PTPRN2: variants seen among roughly 807,000 people sequenced by gnomAD.
PTPRN2 encodes receptor-type tyrosine-protein phosphatase N2.
Under a neutral mutation model 118.8 loss-of-function variants are expected in PTPRN2, and 74 were observed. The observed-to-expected ratio is 0.62, with a 90% CI of 0.52 to 0.76. The LOEUF is 0.76. PTPRN2 is among the 30% of genes least tolerant of loss of function. The pLI, the probability that PTPRN2 is intolerant of heterozygous loss-of-function variation, is 0.00. For synonymous variants in PTPRN2, 641 were observed against 608.0 expected (o/e 1.05, Z -0.80); for missense variants, 1,481 against 1,394.4 (o/e 1.06, Z -0.99).
At chr7:158,178,731 G>A (rs1462543608) in intron 5 of PTPRN2, among the ~76,000 whole-genome samples, 1 of 151,588 alleles carries the variant, frequency 6.6e-6, no homozygotes, top group Non-Finnish European at 1.5e-5. Flanking sequence ...CCAAGTAGCT[G>A]GGACTACAGG....
At chr7:158,369,420 G>A (rs1398558785) in intron 2 of PTPRN2, among the ~76,000 whole-genome samples, 1 of 152,082 alleles carries the variant, frequency 6.6e-6, no homozygotes, top group Non-Finnish European at 1.5e-5. Context: ...CACATGGTGA[G>A]GGTGCCGGGG....
chr7:157,705,418 A>G (rs1287849968), intron 12 of PTPRN2, among the ~76,000 whole-genome samples: 1 of 152,242 alleles, frequency 6.6e-6, no homozygotes, highest in Admixed American at 6.5e-5. Context: ...CAGGGTATGA[A>G]TTGAGTGAAT....
In PTPRN2 at chr7:158,350,018, G is replaced by A. The variant is rs111288995; in HGVS notation, c.164-33086C>T. Among the ~76,000 whole-genome samples, 369 of 152,252 alleles carry A rather than the reference G, an allele frequency of 2.4e-3. 4 individuals carry two copies. Among genetic ancestry groups the A allele is most frequent in the African/African-American group, 8.5e-3 (355 of 41,534 alleles). On this transcript the variant is annotated intron_variant, in intron 2 of 22. Transcript: ENST00000389418. ...ACAGGATACAGCACGGATTCCTTCCGGCAAAAGGTGCTCAGTAAAGTGGAT... is the reference window on the plus strand; with the variant it reads ...ACAGGATACAGCACGGATTCCTTCCAGCAAAAGGTGCTCAGTAAAGTGGAT...
chr7:157,595,676 T>G (rs1245021507), intron 16 of PTPRN2, among the ~76,000 whole-genome samples: 1 of 151,220 alleles, frequency 6.6e-6, no homozygotes, highest in Non-Finnish European at 1.5e-5. Flanking sequence ...AGCCCAGAGG[T>G]TAGGGAGCCT....
chr7:158,486,236 G>A (rs943055066), intron 2 of PTPRN2, among the ~76,000 whole-genome samples: 4 of 152,222 alleles, frequency 2.6e-5, no homozygotes, highest in East Asian at 1.9e-4. Flanking sequence ...TCACGATCAC[G>A]TCAGGCCATG....
rs370363222 is a variant in PTPRN2, at chr7:158,280,628, G to C, written c.277+36191C>G. On this transcript the variant is annotated intron_variant, in intron 3 of 22. Coordinates refer to ENST00000389418, the MANE Select transcript of PTPRN2 (RefSeq NM_002847.5). ...ATGAAAGGAGGAGCCGAGAGAGCCT[G>C]GGGGAGCCGGACGGGTGCGGCCCGA... 1.0e-3 allele frequency among the ~76,000 whole-genome samples: 159 copies of C among 152,368 alleles called. 1 individual carries two copies. Among genetic ancestry groups the C allele is most frequent in the South Asian group, 1.9e-3 (9 of 4,826 alleles).
intron 11 of PTPRN2, among the ~76,000 whole-genome samples, chr7:157,932,268 C>T (rs1187498634): frequency 1.3e-5 from 2 of 152,210 alleles, no homozygotes; most frequent in Admixed American, 6.5e-5. Context: ...ATCTAATCAA[C>T]AGAACTTACA....
intron 12 of PTPRN2, among the ~76,000 whole-genome samples, chr7:157,849,872 G>A (rs1194410545): frequency 6.6e-6 from 1 of 152,172 alleles, no homozygotes. Flanking sequence ...CCATGGAGGA[G>A]GGGAAGACGG....
chr7:157,989,344 A>G (rs1242492697), intron 11 of PTPRN2, among the ~76,000 whole-genome samples: 1 of 152,194 alleles, frequency 6.6e-6, no homozygotes, highest in African/African-American at 2.4e-5. Context: ...GCCTGAGCCC[A>G]GGAGGTCTAA....
intron 12 of PTPRN2, among the ~76,000 whole-genome samples, chr7:157,685,308 G>C (rs35089566): frequency 0.15 from 23,523 of 151,938 alleles, 2,296 homozygotes; most frequent in Non-Finnish European, 0.22. Flanking sequence ...GGATGACTGC[G>C]CCCGGGAACA....
intron 10 of PTPRN2, among the ~76,000 whole-genome samples, chr7:158,081,873 T>A (rs900116972): frequency 1.3e-5 from 2 of 152,216 alleles, no homozygotes; most frequent in African/African-American, 4.8e-5. Flanking sequence ...ACAGGAATTA[T>A]CAAAATTGTT....
At chr7:158,346,672 T>C (rs1185742635) in intron 2 of PTPRN2, among the ~76,000 whole-genome samples, 3 of 152,204 alleles carry the variant, frequency 2.0e-5, no homozygotes, top group African/African-American at 7.2e-5. Flanking sequence ...AGTTTGTTGT[T>C]TGAGAGGCCT....
At chr7:157,870,094 A>T (rs1810959839) in intron 12 of PTPRN2, among the ~76,000 whole-genome samples, 1 of 152,154 alleles carries the variant, frequency 6.6e-6, no homozygotes, top group South Asian at 2.1e-4. Context: ...GCTGTTAAAA[A>T]TTTCCATTGA....
At chr7:157,972,267 C>A (rs940648719) in intron 11 of PTPRN2, among the ~76,000 whole-genome samples, 1 of 152,230 alleles carries the variant, frequency 6.6e-6, no homozygotes, top group Non-Finnish European at 1.5e-5. Flanking sequence ...TGTGTTTTTT[C>A]TCCACTGGTT....
intron 8 of PTPRN2, among the ~76,000 whole-genome samples, chr7:158,136,410 A>T: frequency 6.6e-6 from 1 of 152,282 alleles, no homozygotes; most frequent in East Asian, 1.9e-4. Context: ...TGCATTTACC[A>T]CGACTTTCAT....
rs1234947270 is a variant in PTPRN2 at position 157,587,203 on chromosome 7, GCAGA to G, written c.2496+8031_2496+8034del. Among the ~76,000 whole-genome samples, 7 of 150,720 alleles carry G rather than the reference GCAGA, an allele frequency of 4.6e-5. No homozygotes were observed. The highest frequency in any genetic ancestry group is 2.1e-4 in the South Asian group (1 of 4,768). On this transcript the variant is annotated intron_variant, in intron 17 of 22. Transcript: ENST00000389418. The surrounding 1 kb of genome is among the most constrained non-coding windows in gnomAD (Gnocchi z 5.3). The stretch of plus-strand genomic sequence containing the variant: ...AGGCAGATAGAGACAAGACAGGCAG[GCAGA>G]CAGAGACAAGACACACAGGCAGACA...
intron 2 of PTPRN2, among the ~76,000 whole-genome samples, chr7:158,473,177 C>T (rs117076878): frequency 2.2e-3 from 339 of 152,320 alleles, no homozygotes; most frequent in Non-Finnish European, 3.3e-3. Flanking sequence ...AGCAGCTTCA[C>T]GGTCCCCAAG....
At chr7:158,213,299 A>G (rs1296979961) in intron 3 of PTPRN2, among the ~76,000 whole-genome samples, 1 of 151,874 alleles carries the variant, frequency 6.6e-6, no homozygotes, top group Non-Finnish European at 1.5e-5. Context: ...TCTGGATGGA[A>G]TTAAAAGAGC....
intron 3 of PTPRN2, among the ~76,000 whole-genome samples, chr7:158,312,304 TCACA>T (rs551253032): frequency 0.081 from 1,453 of 18,004 alleles, 31 homozygotes; most frequent in African/African-American, 0.18. Flanking sequence ...ACACATGTGC[TCACA>T]CAGACACCCA....
Sources: gnomAD v4.1 joint callset for allele counts (sites outside exome capture counted in the v4.1 genomes callset) on GRCh38, gnomAD v4.1.1 for gene constraint, Gnocchi (gnomAD v3.1) non-coding constraint, MANE v1.5 for transcripts, NCBI Gene and HGNC (gene_info 2026-07-23, HGNC 2026-07-21) for gene names.